Variants in TRIM2 observed in about 807,000 individuals in gnomAD.
TRIM2 encodes the protein tripartite motif containing 2, also known as tripartite motif-containing protein 2.
Under a neutral mutation model 75.2 loss-of-function variants are expected in TRIM2, and 20 were observed. The ratio of observed to expected loss-of-function variants is 0.27; its 90% CI spans 0.19 to 0.39. The LOEUF is 0.39. Among genes scored for constraint, TRIM2 ranks in the 10% least tolerant of loss-of-function variants. The probability of loss-of-function intolerance (pLI) is 1.00; values close to 1 mark genes in which losing one functional copy is unlikely to be tolerated. For missense variants in TRIM2, 660 were observed against 990.8 expected, an observed-to-expected ratio of 0.67 and a Z score of 4.48; for synonymous variants, 373 against 388.3, an observed-to-expected ratio of 0.96 and a Z score of 0.46.
At chr4:153,308,621 T>C (rs2150206389) in intron 6 of TRIM2, 1 of 627,730 alleles carries the variant, frequency 1.6e-6, no homozygotes, top group South Asian at 1.4e-5. Context: ...ACACCTTTGG[T>C]CTTGATGGCC....
intron 1 of TRIM2, among the ~76,000 whole-genome samples, chr4:153,206,314 A>G (rs2149692489): frequency 6.6e-6 from 1 of 152,352 alleles, no homozygotes; most frequent in East Asian, 1.9e-4. Context: ...CAGGTAGATT[A>G]CAAGCTGTGT....
At chr4:153,258,271 C>T (rs1347282257) in intron 1 of TRIM2, among the ~76,000 whole-genome samples, 1 of 152,018 alleles carries the variant, frequency 6.6e-6, no homozygotes, top group Non-Finnish European at 1.5e-5. Context: ...TTCTGAATGC[C>T]ATTGAGGGCC....
upstream of TRIM2, chr4:153,152,448 T>A (rs886284135): frequency 2.7e-5 from 4 of 149,752 alleles, no homozygotes; most frequent in African/African-American, 7.3e-5. Flanking sequence ...ATATATATGT[T>A]ATAAAATTCT....
intron 3 of TRIM2, among the ~76,000 whole-genome samples, chr4:153,280,309 C>T (rs1758999372): frequency 6.9e-6 from 1 of 145,680 alleles, no homozygotes; most frequent in Non-Finnish European, 1.5e-5. Flanking sequence ...GAAGATAGAA[C>T]AAAAAGAAAA....
chr4:153,249,763 C>G (rs949591876), intron 1 of TRIM2, among the ~76,000 whole-genome samples: 7 of 152,324 alleles, frequency 4.6e-5, no homozygotes, highest in African/African-American at 1.4e-4. Context: ...CAAGCAGGAA[C>G]TTGACACCGC....
chr4:153,204,486 G>C lies in TRIM2; in HGVS notation c.-45G>C, dbSNP rs772625397. ...ATGGGCCCAGTTGTCTGCGGGCTGC[G>C]GGGAGCTAAGTCCCCAGATTGGAGG... On this transcript the variant is annotated 5_prime_UTR_variant, in exon 1 of 12. Transcript: ENST00000338700. 14 of 1,551,126 alleles carry C rather than the reference G, an allele frequency of 9.0e-6. No homozygotes were observed. Among genetic ancestry groups the C allele is most frequent in the Non-Finnish European group, 1.1e-5 (13 of 1,146,656 alleles).
In TRIM2 at chr4:153,295,308, C is replaced by T; in HGVS notation, c.787-5C>T. ...GAGCTCACCAGGCCTCCGGTTTTCCCGCAGGTCCTCCAGTCGCAGCTGGAT... is the reference window on the plus strand; with the variant it reads ...GAGCTCACCAGGCCTCCGGTTTTCCTGCAGGTCCTCCAGTCGCAGCTGGAT... On this transcript the variant is annotated splice_region_variant and splice_polypyrimidine_tract_variant and intron_variant, in intron 5 of 11. Coordinates refer to ENST00000338700, the MANE Select transcript of TRIM2 (RefSeq NM_015271.5). The surrounding 1 kb of genome is among the most constrained non-coding windows in gnomAD (Gnocchi z 7.2). The T allele has an allele frequency of 6.3e-7, 1 of 1,579,786 alleles. No individual in the cohort carries two copies. The highest frequency in any genetic ancestry group is 8.6e-7 in the Non-Finnish European group (1 of 1,162,978).
intron 1 of TRIM2, among the ~76,000 whole-genome samples, chr4:153,209,810 T>C (rs1479622891): frequency 6.6e-6 from 1 of 152,168 alleles, no homozygotes; most frequent in Non-Finnish European, 1.5e-5. Context: ...CTGGCACTTT[T>C]CAATGTGTGT....
intron 1 of TRIM2, among the ~76,000 whole-genome samples, chr4:153,177,107 C>G (rs1249861790): frequency 6.6e-6 from 1 of 152,210 alleles, no homozygotes; most frequent in Non-Finnish European, 1.5e-5. Flanking sequence ...TGGCTTCCGC[C>G]TCAGGAGCTA....
chr4:153,160,372 C>T (rs1729630185), intron 1 of TRIM2, among the ~76,000 whole-genome samples: 1 of 152,158 alleles, frequency 6.6e-6, no homozygotes. Flanking sequence ...CAAAAATCAC[C>T]AATCTCATTA....
At chr4:153,172,813 G>A (rs1486974639) in intron 1 of TRIM2, among the ~76,000 whole-genome samples, 1 of 152,184 alleles carries the variant, frequency 6.6e-6, no homozygotes, top group Non-Finnish European at 1.5e-5. Flanking sequence ...CAGTAATGAA[G>A]ATCTGGAGAG....
intron 1 of TRIM2, among the ~76,000 whole-genome samples, chr4:153,177,752 T>TC (rs1731615531): frequency 7.3e-5 from 11 of 150,368 alleles, no homozygotes; most frequent in Non-Finnish European, 8.9e-5. Context: ...CTTCCTTCCT[T>TC]CTTTCCCTCC....
At chr4:153,299,500 T>C (rs1185327916) in intron 6 of TRIM2, among the ~76,000 whole-genome samples, 1 of 152,222 alleles carries the variant, frequency 6.6e-6, no homozygotes, top group African/African-American at 2.4e-5. Context: ...GATGCAGATA[T>C]CTCTTTGACA....
intron 1 of TRIM2, among the ~76,000 whole-genome samples, chr4:153,223,671 T>G (rs908851042): frequency 6.6e-6 from 1 of 152,166 alleles, no homozygotes; most frequent in African/African-American, 2.4e-5. Flanking sequence ...TAAATGCCTG[T>G]CAGATCCAAA....
intron 1 of TRIM2, among the ~76,000 whole-genome samples, chr4:153,214,175 G>C (rs1156600694): frequency 6.6e-6 from 1 of 152,172 alleles, no homozygotes; most frequent in East Asian, 1.9e-4. Context: ...TCTTACAAAA[G>C]TGCTTTTCAA....
At chr4:153,262,163 C>G (rs1189669365) in intron 1 of TRIM2, among the ~76,000 whole-genome samples, 1 of 152,170 alleles carries the variant, frequency 6.6e-6, no homozygotes, top group Non-Finnish European at 1.5e-5. Context: ...ACAGATACAG[C>G]CGATTTACCA....
Position 153,295,442 on chromosome 4 carries a change from G to C in TRIM2, c.916G>C (p.Glu306Gln), listed in dbSNP as rs750001904. 1.2e-6 allele frequency: 2 copies of C among 1,614,204 alleles called. No homozygotes were observed. Among genetic ancestry groups the C allele is most frequent in the Non-Finnish European group, 8.5e-7 (1 of 1,180,024 alleles). Reference sequence around the variant, plus strand: ...CCTACTGGTGAAGAAGCAGATGAGCGAGAAGCTGAACGAGCTGGCCGACCA... The same window carrying C: ...CCTACTGGTGAAGAAGCAGATGAGCCAGAAGCTGAACGAGCTGGCCGACCA... Reference protein sequence around the residue: ...EVLLVKKQMSEKLNELADQDF... With the variant: ...EVLLVKKQMSQKLNELADQDF... The change falls in exon 6 of 12, where the codon GAG becomes CAG. Residue 306 changes from glutamate (E) to glutamine (Q), a missense_variant. Physicochemically the swap from Glu to Gln is conservative, Grantham distance 29. Around this residue, in one of 2 missense-constraint regions of TRIM2, gnomAD observed 620 missense variants for 891.0 expected, o/e 0.70. Coordinates refer to ENST00000338700, the MANE Select transcript of TRIM2 (RefSeq NM_015271.5). This position sits in a 1 kb window ranked among gnomAD's most constrained non-coding sequence, Gnocchi z 7.2.
chr4:153,285,464 A>G (rs1760389863), intron 3 of TRIM2, among the ~76,000 whole-genome samples: 2 of 152,244 alleles, frequency 1.3e-5, no homozygotes, highest in African/African-American at 2.4e-5. Context: ...TTTATTCCCA[A>G]CTATGTTATA....
At chr4:153,153,341 A>G (rs1048484752) in intron 1 of TRIM2, 1 of 151,742 alleles carries the variant, frequency 6.6e-6, no homozygotes, top group Non-Finnish European at 1.5e-5. Context: ...GGTGGCGGGG[A>G]CGGAAAGGCA....
Sources: allele counts gnomAD v4.1 joint callset (sites outside exome capture counted in the v4.1 genomes callset), GRCh38; gene constraint gnomAD v4.1.1; regional missense constraint gnomAD v4.1.1; non-coding constraint Gnocchi (gnomAD v3.1); transcripts MANE v1.5; gene names NCBI Gene and HGNC (gene_info 2026-07-23, HGNC 2026-07-21).